NLGN1: variants seen among roughly 807,000 people sequenced by gnomAD.
The protein encoded by NLGN1 is neuroligin 1.
A neutral mutation model predicts 65.5 loss-of-function variants in NLGN1; 12 were observed. The ratio of observed to expected loss-of-function variants is 0.18; its 90% CI spans 0.12 to 0.30. The LOEUF (loss-of-function observed/expected upper bound fraction) is 0.30. Among genes scored for constraint, NLGN1 ranks in the 10% least tolerant of loss-of-function variants. The probability of loss-of-function intolerance (pLI) is 1.00; values close to 1 mark genes in which losing one functional copy is unlikely to be tolerated. For missense variants in NLGN1, 750 were observed against 1,007.1 expected, an observed-to-expected ratio of 0.74 and a Z score of 3.46; for synonymous variants, 350 against 359.5, an observed-to-expected ratio of 0.97 and a Z score of 0.30.
At chr3:173,469,265 G>A (rs899047583) in intron 2 of NLGN1, among the ~76,000 whole-genome samples, 1 of 151,638 alleles carries the variant, frequency 6.6e-6, no homozygotes, top group South Asian at 2.1e-4. Context: ...CTTTAAAATG[G>A]TTTCTAAAAT....
intron 4 of NLGN1, among the ~76,000 whole-genome samples, chr3:174,095,198 A>G (rs1745240024): frequency 6.6e-6 from 1 of 151,692 alleles, no homozygotes; most frequent in Non-Finnish European, 1.5e-5. Flanking sequence ...TAGACCTTGT[A>G]CCTGTGGAAG....
In NLGN1 at chr3:174,280,396, A is replaced by G. The variant is rs1178218235; in HGVS notation, c.1650-85A>G. The G allele has an allele frequency of 3.3e-6, 3 of 905,370 alleles. No homozygotes were observed. The highest frequency in any genetic ancestry group is 3.4e-5 in the African/African-American group (2 of 58,800). The allele number at this position is 905,370 out of a possible 1,614,324, so 56.1% of individuals were successfully genotyped here. On this transcript the variant is annotated intron_variant, in intron 6 of 6. Coordinates refer to ENST00000457714, the Ensembl canonical transcript of NLGN1. The surrounding 1 kb of genome is among the most constrained non-coding windows in gnomAD (Gnocchi z 4.9). ...AATCTAAAGCATTGCTGAGTCATCT[A>G]TTTAATTATTAGATGTTAAAGTAGT...
At chr3:173,524,957 G>T (rs1417151837) in intron 2 of NLGN1, among the ~76,000 whole-genome samples, 2 of 152,034 alleles carry the variant, frequency 1.3e-5, no homozygotes, top group Non-Finnish European at 2.9e-5. Flanking sequence ...GTGTACTGTT[G>T]GATTCAGTTT....
intron 4 of NLGN1, among the ~76,000 whole-genome samples, chr3:173,973,111 A>G (rs1716644209): frequency 1.3e-5 from 2 of 152,272 alleles, no homozygotes; most frequent in South Asian, 4.1e-4. Context: ...ACATACTCAT[A>G]GTATTCTTGT....
intron 3 of NLGN1, among the ~76,000 whole-genome samples, chr3:173,633,397 C>T (rs1756061047): frequency 6.6e-6 from 1 of 152,074 alleles, no homozygotes; most frequent in Non-Finnish European, 1.5e-5. Flanking sequence ...ATGTACATTT[C>T]CCTAGGGCAG....
intron 3 of NLGN1, among the ~76,000 whole-genome samples, chr3:173,745,836 A>ATGG (rs1775282947): frequency 6.6e-6 from 1 of 152,214 alleles, no homozygotes; most frequent in African/African-American, 2.4e-5. Context: ...AATTTGAATC[A>ATGG]TGGACTATTA....
intron 4 of NLGN1, among the ~76,000 whole-genome samples, chr3:174,031,837 T>G (rs1730098905): frequency 6.6e-6 from 1 of 152,068 alleles, no homozygotes; most frequent in Non-Finnish European, 1.5e-5. Flanking sequence ...ATTTAGTTCC[T>G]GGTATCCTGG....
intron 2 of NLGN1, among the ~76,000 whole-genome samples, chr3:173,567,467 C>CA (rs1238010088): frequency 2.6e-5 from 4 of 151,728 alleles, no homozygotes; most frequent in Admixed American, 6.6e-5. Flanking sequence ...TACACTCATT[C>CA]AAAAAATAAC....
chr3:174,115,653 C>T (rs187957296), intron 4 of NLGN1, among the ~76,000 whole-genome samples: 8 of 152,178 alleles, frequency 5.3e-5, no homozygotes, highest in Admixed American at 1.3e-4. Context: ...CAAGGGAGAG[C>T]GTGTTAGTTA....
At chr3:174,255,004 C>T (rs901948532) in intron 4 of NLGN1, among the ~76,000 whole-genome samples, 1 of 152,114 alleles carries the variant, frequency 6.6e-6, no homozygotes, top group African/African-American at 2.4e-5. Flanking sequence ...ATGTGTGGCA[C>T]TTTGCCAGAT....
intron 4 of NLGN1, among the ~76,000 whole-genome samples, chr3:174,146,650 C>G (rs1215231718): frequency 2.0e-5 from 3 of 151,482 alleles, no homozygotes; most frequent in African/African-American, 7.3e-5. Context: ...TCACTGCAAC[C>G]TCCGCCTCCC....
At chr3:173,592,954 T>C (rs1442832110) in intron 2 of NLGN1, among the ~76,000 whole-genome samples, 1 of 152,146 alleles carries the variant, frequency 6.6e-6, no homozygotes, top group Non-Finnish European at 1.5e-5. Flanking sequence ...AGTGATTTCT[T>C]TGGAAAGCCC....
intron 4 of NLGN1, among the ~76,000 whole-genome samples, chr3:174,177,689 A>T (rs1021898363): frequency 6.6e-6 from 1 of 152,056 alleles, no homozygotes; most frequent in Non-Finnish European, 1.5e-5. Context: ...AAAATATGAG[A>T]TTCTTATATT....
intron 4 of NLGN1, among the ~76,000 whole-genome samples, chr3:174,019,463 G>C (rs570558212): frequency 1.3e-5 from 2 of 152,124 alleles, no homozygotes; most frequent in South Asian, 4.2e-4. Context: ...CTCAAGCTTG[G>C]CCAGCCTCCA....
At chr3:173,456,755 T>C (rs1193598880) in intron 2 of NLGN1, among the ~76,000 whole-genome samples, 2 of 151,960 alleles carry the variant, frequency 1.3e-5, no homozygotes, top group African/African-American at 4.8e-5. Context: ...AGGGAAAGAA[T>C]GAGAGTATTT....
chr3:174,125,810 G>A (rs1577005341), intron 4 of NLGN1, among the ~76,000 whole-genome samples: 1 of 152,066 alleles, frequency 6.6e-6, no homozygotes. Flanking sequence ...TAAGATTGTA[G>A]CATCCCAGGC....
intron 1 of NLGN1, among the ~76,000 whole-genome samples, chr3:173,424,567 C>T (rs1715742535): frequency 6.6e-6 from 1 of 152,192 alleles, no homozygotes. Context: ...TTTCTTCCAG[C>T]AGATACCCTA....
At chr3:173,998,821 G>A (rs968018781) in intron 4 of NLGN1, among the ~76,000 whole-genome samples, 2 of 152,138 alleles carry the variant, frequency 1.3e-5, no homozygotes, top group Non-Finnish European at 2.9e-5. Context: ...TGAAATATTG[G>A]TGTGATTCGG....
chr3:173,889,696 G>T (rs1180219020), intron 4 of NLGN1, among the ~76,000 whole-genome samples: 1 of 152,094 alleles, frequency 6.6e-6, no homozygotes, highest in African/African-American at 2.4e-5. Flanking sequence ...CATAAGGTCT[G>T]GCAACGACCA....
Sources: gnomAD v4.1 joint callset for allele counts (sites outside exome capture counted in the v4.1 genomes callset) on GRCh38, gnomAD v4.1.1 for gene constraint, Gnocchi (gnomAD v3.1) non-coding constraint, MANE v1.5 for transcripts, NCBI Gene and HGNC (gene_info 2026-07-23, HGNC 2026-07-21) for gene names.